Variants in MLH3 observed in about 807,000 individuals in gnomAD.
The protein encoded by MLH3 is DNA mismatch repair protein Mlh3.
Under a neutral mutation model 122.2 loss-of-function variants are expected in MLH3, and 82 were observed. The observed-to-expected ratio is 0.67, with a 90% confidence interval of 0.56 to 0.81. The LOEUF (loss-of-function observed/expected upper bound fraction) is 0.81, where lower values mean the gene tolerates loss of function less well. Among genes scored for constraint, MLH3 ranks in the 30% least tolerant of loss-of-function variants. The pLI is 0.00. For synonymous variants in MLH3, 524 were observed against 599.5 expected, an observed-to-expected ratio of 0.87 and a Z score of 1.84; for missense variants, 1,539 against 1,714.5, an observed-to-expected ratio of 0.90 and a Z score of 1.81.
At chr14:75,050,643 T>C (rs1892593830) in intron 1 of MLH3, among the ~76,000 whole-genome samples, 1 of 152,096 alleles carries the variant, frequency 6.6e-6, no homozygotes, top group Admixed American at 6.6e-5. Flanking sequence ...CAAGTGATCC[T>C]CCCGCCTTGG....
At chr14:75,037,902 ATATG>A (rs1364119484) in intron 6 of MLH3, among the ~76,000 whole-genome samples, 1 of 152,210 alleles carries the variant, frequency 6.6e-6, no homozygotes, top group African/African-American at 2.4e-5. Flanking sequence ...CATCCTGAGT[ATATG>A]TATGTGTATG....
At chr14:75,046,192 A>C (rs1892201641) in intron 2 of MLH3, among the ~76,000 whole-genome samples, 184 bp downstream of exon 2, 1 of 151,994 alleles carries the variant, frequency 6.6e-6, no homozygotes, top group South Asian at 2.1e-4. Flanking sequence ...AAAAAAAAAA[A>C]AAAAAAAGTA....
Position 75,048,918 on chromosome 14 carries a change from G to T in MLH3, c.738C>A (p.Asn246Lys), listed in dbSNP as rs1293635085. 6.2e-7 allele frequency: 1 copy of T among 1,612,896 alleles called. No homozygotes were observed. The highest frequency in any genetic ancestry group is 1.3e-5 in the African/African-American group (1 of 74,812). ...SGYISSEAHY[N>K]KNMQFLFVNK... Reference sequence around the variant, plus strand: ...TCACAAACAAAAACTGCATATTCTTGTTGTAATGTGCTTCAGAGCTGATAT... The same window carrying T: ...TCACAAACAAAAACTGCATATTCTTTTTGTAATGTGCTTCAGAGCTGATAT... Residue 246 changes from asparagine (N) to lysine (K), a missense_variant, in exon 2 of 13, where the codon AAC becomes AAA. Asn to Lys is a moderately conservative substitution (Grantham distance 94). Coordinates refer to ENST00000355774, the MANE Select transcript of MLH3 (RefSeq NM_001040108.2).
chr14:75,044,003 C>A (rs906125312), intron 2 of MLH3, among the ~76,000 whole-genome samples: 1 of 152,014 alleles, frequency 6.6e-6, no homozygotes, highest in Non-Finnish European at 1.5e-5. Context: ...GCAGGAGAAT[C>A]GCTTGAACTC....
intron 8 of MLH3, 70 bp downstream of exon 8, chr14:75,031,998 A>AT: frequency 9.9e-7 from 1 of 1,011,684 alleles, no homozygotes; most frequent in South Asian, 1.3e-5. Flanking sequence ...AACAATAGTT[A>AT]TGCTTATTCC....
intron 2 of MLH3, among the ~76,000 whole-genome samples, chr14:75,042,934 C>G (rs1004771713): frequency 6.6e-6 from 1 of 152,138 alleles, no homozygotes; most frequent in Non-Finnish European, 1.5e-5. Flanking sequence ...CGTCACCACA[C>G]CCGGCTAATT....
Position 75,028,011 on chromosome 14 carries a change from C to T in MLH3, c.3987+2532G>A, listed in dbSNP as rs549907161. Among the ~76,000 whole-genome samples the T allele has an allele frequency of 5.9e-5, 8 of 135,308 alleles. No individual in the cohort carries two copies. In the South Asian group the frequency reaches 9.1e-4, roughly 15 times the overall value. The allele number at this position is 135,308 out of a possible 152,430, so 88.8% of individuals were successfully genotyped here. ...ATAAATGGAATATATAACTTCTAAA[C>T]GAGTAGAGCAAAAAAAAAAAGAGAA... On this transcript the variant is annotated intron_variant, in intron 9 of 12. Transcript: ENST00000355774.
At chr14:75,043,718 T>G (rs888543519) in intron 2 of MLH3, among the ~76,000 whole-genome samples, 4 of 152,208 alleles carry the variant, frequency 2.6e-5, no homozygotes, top group African/African-American at 4.8e-5. Context: ...ATAAAATATA[T>G]TTTAAAGAAA....
In MLH3 at chr14:75,016,998, G is replaced by T; in HGVS notation, c.*84C>A. On this transcript the variant is annotated 3_prime_UTR_variant, in exon 13 of 13. Coordinates refer to ENST00000355774, the MANE Select transcript of MLH3 (RefSeq NM_001040108.2). Reference sequence around the variant, plus strand: ...ACACTGGGCTGATTCAGTCAGGGCCGTGCTGGTACCTGCTGCTGCTGCTCT... The same window carrying T: ...ACACTGGGCTGATTCAGTCAGGGCCTTGCTGGTACCTGCTGCTGCTGCTCT... The T allele has an allele frequency of 6.5e-7, 1 of 1,542,554 alleles. No individual in the cohort carries two copies.
intron 6 of MLH3, among the ~76,000 whole-genome samples, chr14:75,034,838 C>A (rs1374723787): frequency 6.6e-6 from 1 of 151,796 alleles, no homozygotes; most frequent in Non-Finnish European, 1.5e-5. Flanking sequence ...CTGAGGAGGG[C>A]AGATCACTTG....
At chr14:75,032,014 G>T in intron 8 of MLH3, 54 bp downstream of exon 8, 1 of 1,112,292 alleles carries the variant, frequency 9.0e-7, no homozygotes, top group Non-Finnish European at 1.4e-6. Context: ...ATTCCTCACA[G>T]AATTATTGTG....
In MLH3 at chr14:75,048,218, C is replaced by T. The variant is rs900202465; in HGVS notation, c.1438G>A (p.Glu480Lys). The part of the protein sequence containing the change: ...MLEQETIVAS[E>K]AGENEKHKKS... ...TTATGTTTCTCATTTTCTCCAGCTT[C>T]TGATGCTACAATTGTCTCTTGTTCT... is the stretch of plus-strand genomic sequence containing the variant. Residue 480 changes from glutamate to lysine, a missense_variant, in exon 2 of 13, where the codon GAA (glutamate) becomes AAA (lysine). Coordinates refer to ENST00000355774, the MANE Select transcript of MLH3 (RefSeq NM_001040108.2). 2 of 1,613,584 alleles carry T rather than the reference C, an allele frequency of 1.2e-6. No homozygotes were observed. Among genetic ancestry groups the T allele is most frequent in the African/African-American group, 1.3e-5 (1 of 74,872 alleles).
At chr14:75,045,482 T>C (rs146439685) in intron 2 of MLH3, among the ~76,000 whole-genome samples, 17 of 152,330 alleles carry the variant, frequency 1.1e-4, no homozygotes, top group East Asian at 3.9e-4. Context: ...TGAAAATTCA[T>C]GGACAAGTCC....
chr14:75,033,526 A>T (rs1434826675), intron 6 of MLH3, 36 bp from the exon 7 acceptor site: 1 of 1,536,764 alleles, frequency 6.5e-7, no homozygotes, highest in South Asian at 1.1e-5. Context: ...TGATTCTCAG[A>T]GCAAGACGAC....
rs1382370276 is a variant in MLH3 at position 75,018,740 on chromosome 14, T to G, written c.4242+89A>C. ...CAAAACTCTCCTATTTTGGAAAGGTTAAGACAGATTACAGTTGCATAGTAA... is the reference window on the plus strand; with the variant it reads ...CAAAACTCTCCTATTTTGGAAAGGTGAAGACAGATTACAGTTGCATAGTAA... On this transcript the variant is annotated intron_variant, in intron 12 of 12. Transcript: ENST00000355774. 4.1e-6 allele frequency: 6 copies of G among 1,464,316 alleles called. No homozygotes were observed. In the East Asian group the frequency reaches 9.1e-5, roughly 22 times the overall value. 90.7% of individuals were successfully genotyped at this position (1,464,316 alleles called of 1,614,324 possible).
intron 11 of MLH3, among the ~76,000 whole-genome samples, chr14:75,019,356 GC>G (rs1206522068): frequency 2.1e-5 from 3 of 143,054 alleles, no homozygotes; most frequent in African/African-American, 7.8e-5. Flanking sequence ...GTTGCAGTGA[GC>G]CGAGATCACG....
rs2139565238 is a variant in MLH3 at position 75,047,345 on chromosome 14, C to T, written c.2311G>A (p.Glu771Lys). ...YGKVENPLDT[E>K]VEESNGVTTN... Reference sequence around the variant, plus strand: ...GTGACTCCATTACTTTCCTCTACTTCTGTATCCAGAGGATTTTCAACCTTC... The same window carrying T: ...GTGACTCCATTACTTTCCTCTACTTTTGTATCCAGAGGATTTTCAACCTTC... Residue 771 changes from glutamate to lysine, a missense_variant, in exon 2 of 13, where the codon GAA becomes AAA. By Grantham distance (56) the Glu-to-Lys change is moderately conservative. Transcript: ENST00000355774. The T allele has an allele frequency of 6.2e-7, 1 of 1,614,138 alleles. No individual in the cohort carries two copies. Among genetic ancestry groups the T allele is most frequent in the Non-Finnish European group, 8.5e-7 (1 of 1,179,996 alleles).
At chr14:75,038,196 G>T (rs1040790167) in intron 6 of MLH3, 144 bp downstream of exon 6, 6 of 693,012 alleles carry the variant, frequency 8.7e-6, no homozygotes, top group Middle Eastern at 5.6e-4. Context: ...ACCGCACCCA[G>T]CCTTCATAAT....
At chr14:75,019,204 G>T (rs1595024687) in intron 11 of MLH3, 1 of 498,464 alleles carries the variant, frequency 2.0e-6, no homozygotes, top group South Asian at 2.1e-5. Flanking sequence ...GAGGTCAGGA[G>T]TTCAAGACCA....
Sources: allele counts gnomAD v4.1 joint callset (sites outside exome capture counted in the v4.1 genomes callset), GRCh38; gene constraint gnomAD v4.1.1; transcripts MANE v1.5; gene names NCBI Gene and HGNC (gene_info 2026-07-23, HGNC 2026-07-21).